Variants in KCNN2 observed in about 807,000 individuals in gnomAD.
KCNN2 encodes the protein small conductance calcium-activated potassium channel protein 2.
A neutral mutation model predicts 55.5 loss-of-function variants in KCNN2; 24 were observed. The observed-to-expected ratio is 0.43, with a 90% confidence interval of 0.31 to 0.61. KCNN2 has a LOEUF of 0.61. KCNN2 is among the 20% of genes least tolerant of loss of function. KCNN2 has a pLI of 0.08. For synonymous variants in KCNN2, 431 were observed against 336.1 expected, an observed-to-expected ratio of 1.28 and a Z score of -3.09; for missense variants, 754 against 853.6, an observed-to-expected ratio of 0.88 and a Z score of 1.45.
intron 3 of KCNN2, among the ~76,000 whole-genome samples, chr5:114,424,312 C>T (rs1288660001): frequency 2.6e-5 from 4 of 152,208 alleles, no homozygotes; most frequent in Admixed American, 6.5e-5. Context: ...ACATCAGAAG[C>T]ATGATCCTGA....
intron 4 of KCNN2, among the ~76,000 whole-genome samples, chr5:114,463,636 G>C (rs537245990): frequency 7.9e-5 from 12 of 152,298 alleles, no homozygotes; most frequent in African/African-American, 2.6e-4. Flanking sequence ...TTTGTTGAGT[G>C]CTAGGCACTG....
chr5:114,120,282 G>A (rs1287906486), intron 1 of KCNN2, among the ~76,000 whole-genome samples: 1 of 152,144 alleles, frequency 6.6e-6, no homozygotes, highest in Non-Finnish European at 1.5e-5. Context: ...TGCCGCAGTA[G>A]TCCTGGTTGT....
chr5:114,104,964 CAA>C (rs1751452086), intron 1 of KCNN2, among the ~76,000 whole-genome samples: 1 of 152,028 alleles, frequency 6.6e-6, no homozygotes, highest in African/African-American at 2.4e-5. Flanking sequence ...CTGGAGGCCA[CAA>C]GAGGTTAAGT....
intron 2 of KCNN2, among the ~76,000 whole-genome samples, chr5:114,263,131 G>A (rs545744759): frequency 1.3e-5 from 2 of 152,122 alleles, no homozygotes; most frequent in South Asian, 4.2e-4. Context: ...TTTTGGCTCA[G>A]TATGGCTCTT....
intron 1 of KCNN2, among the ~76,000 whole-genome samples, chr5:114,148,781 T>A (rs908181165): frequency 4.6e-5 from 7 of 152,110 alleles, no homozygotes; most frequent in African/African-American, 1.7e-4. Context: ...AGGTTCCTCC[T>A]CTTGGGGAGA....
upstream of KCNN2, among the ~76,000 whole-genome samples, chr5:114,360,469 A>G (rs1757384399): frequency 6.6e-6 from 1 of 152,222 alleles, no homozygotes; most frequent in Non-Finnish European, 1.5e-5. Flanking sequence ...AGTCTTTATC[A>G]TGAAAAGCAG....
chr5:114,440,497 A>G (rs114059513), intron 3 of KCNN2, among the ~76,000 whole-genome samples: 51 of 152,308 alleles, frequency 3.3e-4, no homozygotes, highest in Non-Finnish European at 6.9e-4. Flanking sequence ...TAGGGAGGAA[A>G]GAAAAAATAG....
intron 3 of KCNN2, among the ~76,000 whole-genome samples, chr5:114,417,558 T>G (rs914285261): frequency 6.6e-6 from 1 of 152,192 alleles, no homozygotes; most frequent in Non-Finnish European, 1.5e-5. Context: ...ATCTCTGTTC[T>G]TTCAGCCCTA....
chr5:114,371,695 A>T (rs1376911552), intron 2 of KCNN2, among the ~76,000 whole-genome samples: 1 of 152,200 alleles, frequency 6.6e-6, no homozygotes, highest in African/African-American at 2.4e-5. Context: ...CATTAGATCC[A>T]TTTAAATGCC....
intron 2 of KCNN2, among the ~76,000 whole-genome samples, chr5:114,323,933 C>T (rs1306915817): frequency 6.6e-6 from 1 of 151,808 alleles, no homozygotes; most frequent in Non-Finnish European, 1.5e-5. Context: ...CTGCACCCAG[C>T]CTGTCAAATA....
chr5:114,122,184 T>G (rs527396987), intron 1 of KCNN2, among the ~76,000 whole-genome samples: 1 of 152,254 alleles, frequency 6.6e-6, no homozygotes, highest in African/African-American at 2.4e-5. Flanking sequence ...TAAATGGAGT[T>G]AGGGAACTGA....
At chr5:114,159,420 G>T (rs1038343256) in intron 1 of KCNN2, among the ~76,000 whole-genome samples, 1 of 152,112 alleles carries the variant, frequency 6.6e-6, no homozygotes, top group African/African-American at 2.4e-5. Flanking sequence ...TTTTATTGAG[G>T]ATTTTTGCGT....
intron 1 of KCNN2, among the ~76,000 whole-genome samples, chr5:114,060,748 A>G (rs147522237): frequency 6.6e-6 from 1 of 152,310 alleles, no homozygotes; most frequent in Non-Finnish European, 1.5e-5. Context: ...TGTAGTTGTG[A>G]GTTTTAAATA....
intron 6 of KCNN2, among the ~76,000 whole-genome samples, chr5:114,492,168 A>T (rs572202768): frequency 2.0e-5 from 3 of 152,302 alleles, no homozygotes; most frequent in African/African-American, 7.2e-5. Context: ...TCTTCACTGT[A>T]GAGCAGATTT....
At chr5:114,230,417 A>T (rs867107197) in intron 2 of KCNN2, among the ~76,000 whole-genome samples, 12 of 135,422 alleles carry the variant, frequency 8.9e-5, no homozygotes, top group African/African-American at 3.3e-4. Flanking sequence ...ATATCTCCCA[A>T]TGCTATCCCT....
At chr5:114,060,252 G>T (rs1372921880) in intron 1 of KCNN2, among the ~76,000 whole-genome samples, 1 of 152,234 alleles carries the variant, frequency 6.6e-6, no homozygotes, top group African/African-American at 2.4e-5. Context: ...TTTGGGCTTG[G>T]CATGGTTCTC....
chr5:114,289,954 T>G (rs984528976), intron 2 of KCNN2, among the ~76,000 whole-genome samples: 8 of 152,178 alleles, frequency 5.3e-5, no homozygotes, highest in Non-Finnish European at 7.4e-5. Context: ...TCAGACTTCC[T>G]TTTTTGGATT....
intron 3 of KCNN2, among the ~76,000 whole-genome samples, chr5:114,406,785 C>T (rs1758950078): frequency 1.3e-5 from 2 of 152,110 alleles, no homozygotes; most frequent in African/African-American, 4.8e-5. Flanking sequence ...TCTTGAACCC[C>T]ATTTCACCCT....
At chr5:114,128,446 T>C (rs1751984554) in intron 1 of KCNN2, among the ~76,000 whole-genome samples, 1 of 152,178 alleles carries the variant, frequency 6.6e-6, no homozygotes. Context: ...ACTGCCTCCA[T>C]GATTTGATTA....
Sources: allele counts gnomAD v4.1 joint callset (sites outside exome capture counted in the v4.1 genomes callset), GRCh38; gene constraint gnomAD v4.1.1; transcripts MANE v1.5; gene names NCBI Gene and HGNC (gene_info 2026-07-23, HGNC 2026-07-21).